Variants in AGAP1 observed in about 807,000 individuals in gnomAD.
AGAP1 encodes ArfGAP with GTPase domain, ankyrin repeat and PH domain 1, also known as arf-GAP with GTPase, ANK repeat and PH domain-containing protein 1.
AGAP1 carries 29 observed loss-of-function variants against 105.3 expected under a neutral mutation model. The observed-to-expected ratio is 0.28, with a 90% CI of 0.21 to 0.38. The LOEUF is 0.38. AGAP1 is among the 10% of genes least tolerant of loss of function. AGAP1 has a pLI of 1.00. For synonymous variants in AGAP1, 509 were observed against 485.9 expected, an observed-to-expected ratio of 1.05 and a Z score of -0.63; for missense variants, 998 against 1,165.1, an observed-to-expected ratio of 0.86 and a Z score of 2.09.
rs928099559 is a variant in AGAP1, at chr2:235,792,916, G to A, written c.674-4843G>A. 3.3e-5 allele frequency among the ~76,000 whole-genome samples: 5 copies of A among 152,158 alleles called. No homozygotes were observed. The highest frequency in any genetic ancestry group is 5.9e-5 in the Non-Finnish European group (4 of 68,036). On this transcript the variant is annotated intron_variant, in intron 6 of 17. Coordinates refer to ENST00000304032, the MANE Select transcript of AGAP1 (RefSeq NM_001037131.3). The surrounding 1 kb of genome is among the most constrained non-coding windows in gnomAD (Gnocchi z 5.3). Reference sequence around the variant, plus strand: ...CTGAGGTGGTGACCGAGACATTCGCGAGGAGGTTGCCCAGGCAGAGGGCAT... The same window carrying A: ...CTGAGGTGGTGACCGAGACATTCGCAAGGAGGTTGCCCAGGCAGAGGGCAT...
intron 1 of AGAP1, among the ~76,000 whole-genome samples, chr2:235,534,467 G>A (rs1943144711): frequency 6.6e-6 from 1 of 152,168 alleles, no homozygotes; most frequent in African/African-American, 2.4e-5. Context: ...GAGGATGGGT[G>A]TGCTGTTTTA....
intron 1 of AGAP1, among the ~76,000 whole-genome samples, chr2:235,498,554 G>A (rs1941422349): frequency 6.6e-6 from 1 of 152,186 alleles, no homozygotes; most frequent in African/African-American, 2.4e-5. Flanking sequence ...GTCCATCGGG[G>A]GTTGATGGCA....
rs568697938 is a variant in AGAP1 at position 235,496,702 on chromosome 2, A to C, written c.163+1853A>C. Among the ~76,000 whole-genome samples, 7 of 152,316 alleles carry C rather than the reference A, an allele frequency of 4.6e-5. No homozygotes were observed. The South Asian group carries it at 1.5e-3, about 32-fold the overall frequency. On this transcript the variant is annotated intron_variant, in intron 1 of 17. Transcript: ENST00000304032. ...TGAGCTCTGGGGCTCAAGCACTTCC[A>C]GCAAAGCAGTTTGACTTTCTAGCAA...
chr2:235,898,048 CCGCAT>C (rs1219463099), intron 10 of AGAP1, among the ~76,000 whole-genome samples: 1 of 152,202 alleles, frequency 6.6e-6, no homozygotes, highest in Non-Finnish European at 1.5e-5. Context: ...GCCACCTCTG[CCGCAT>C]CGGCTATTTG....
At chr2:235,713,817 C>T (rs903046910) in intron 2 of AGAP1, among the ~76,000 whole-genome samples, 4 of 152,134 alleles carry the variant, frequency 2.6e-5, no homozygotes, top group Non-Finnish European at 4.4e-5. Context: ...GATCAAGGCA[C>T]CTGCAGATTT....
At position 235,793,174 on chromosome 2, in the gene AGAP1, C is replaced by T. The variant is rs1197426915; in HGVS notation, c.674-4585C>T. Among the ~76,000 whole-genome samples, 1 of 152,124 alleles carries T rather than the reference C, an allele frequency of 6.6e-6. No individual in the cohort carries two copies. Among genetic ancestry groups the T allele is most frequent in the Non-Finnish European group, 1.5e-5 (1 of 68,038 alleles). The stretch of plus-strand genomic sequence containing the variant: ...TCTGGACCACTCCCAGTGACCATGG[C>T]AATGGCAGGCCCAGCCTAGGGATTG... On this transcript the variant is annotated intron_variant, in intron 6 of 17. Coordinates refer to ENST00000304032, the MANE Select transcript of AGAP1 (RefSeq NM_001037131.3). The surrounding 1 kb of genome is among the most constrained non-coding windows in gnomAD (Gnocchi z 5.3).
chr2:235,667,882 C>T (rs939851101), intron 1 of AGAP1, among the ~76,000 whole-genome samples: 49 of 148,482 alleles, frequency 3.3e-4, no homozygotes, highest in African/African-American at 1.2e-3. Context: ...TCACTTGAAC[C>T]CAGGAGGTGG....
At chr2:235,718,917 G>T (rs1392584660) in intron 3 of AGAP1, among the ~76,000 whole-genome samples, 1 of 152,156 alleles carries the variant, frequency 6.6e-6, no homozygotes, top group Admixed American at 6.5e-5. Context: ...TCTGTCCCTG[G>T]GTTTTGACGG....
chr2:235,912,511 G>A (rs575357999), intron 11 of AGAP1, among the ~76,000 whole-genome samples: 65 of 152,104 alleles, frequency 4.3e-4, no homozygotes, highest in African/African-American at 1.5e-3. Flanking sequence ...TTTCATTTTT[G>A]TATTCATTTT....
intron 12 of AGAP1, among the ~76,000 whole-genome samples, chr2:235,933,681 C>T (rs755360824): frequency 5.3e-5 from 8 of 152,038 alleles, no homozygotes; most frequent in South Asian, 2.1e-4. Flanking sequence ...TGCAGGCACG[C>T]GCCACCGTGC....
intron 1 of AGAP1, among the ~76,000 whole-genome samples, chr2:235,694,160 A>C (rs1949880418): frequency 6.7e-6 from 1 of 148,726 alleles, no homozygotes; most frequent in Admixed American, 6.6e-5. Context: ...CCTGGCCAAC[A>C]TGGTGAAACC....
At chr2:235,496,775 G>A (rs777736802) in intron 1 of AGAP1, among the ~76,000 whole-genome samples, 42 of 148,318 alleles carry the variant, frequency 2.8e-4, no homozygotes, top group Non-Finnish European at 4.3e-4. Context: ...AAAAAAAAAT[G>A]CGTCGTTCCT....
chr2:235,507,971 G>A (rs919663818), intron 1 of AGAP1, among the ~76,000 whole-genome samples: 12 of 152,068 alleles, frequency 7.9e-5, no homozygotes, highest in African/African-American at 2.7e-4. Context: ...CCCTCAAGCA[G>A]GCCTTGGTGG....
rs1322843866 is a variant in AGAP1, at chr2:235,905,999, G to A, written c.1156-2739G>A. Among the ~76,000 whole-genome samples, 1 of 151,976 alleles carries A rather than the reference G, an allele frequency of 6.6e-6. No homozygotes were observed. Among genetic ancestry groups the A allele is most frequent in the Non-Finnish European group, 1.5e-5 (1 of 68,010 alleles). ...TCAACTTCCAAGTGGAATCCCTTTC[G>A]GGGGCTGGTGAAGTCAGATTTGTTG... On this transcript the variant is annotated intron_variant, in intron 10 of 17. Transcript: ENST00000304032. This position sits in a 1 kb window ranked among gnomAD's most constrained non-coding sequence, Gnocchi z 4.2.
At chr2:235,497,981 C>T (rs189923182) in intron 1 of AGAP1, among the ~76,000 whole-genome samples, 2 of 152,158 alleles carry the variant, frequency 1.3e-5, no homozygotes, top group African/African-American at 4.8e-5. Flanking sequence ...GCACCCTACT[C>T]AAAACTTCAC....
chr2:235,999,989 C>A (rs2056044646), intron 13 of AGAP1, among the ~76,000 whole-genome samples: 1 of 152,040 alleles, frequency 6.6e-6, no homozygotes, highest in Non-Finnish European at 1.5e-5. Flanking sequence ...GACCATTGAT[C>A]CTGCTTCTAA....
Position 235,744,864 on chromosome 2 carries a change from G to T in AGAP1, c.538+25G>T. 1 of 1,613,374 alleles carries T rather than the reference G, an allele frequency of 6.2e-7. No individual in the cohort carries two copies. Among genetic ancestry groups the T allele is most frequent in the South Asian group, 1.1e-5 (1 of 90,996 alleles). On this transcript the variant is annotated intron_variant, in intron 5 of 17. Transcript: ENST00000304032. This position sits in a 1 kb window ranked among gnomAD's most constrained non-coding sequence, Gnocchi z 5.2. ...GGTGAGTGATGTTCGTGTGCAGATTGTTTTGAAAGGGTTCTAACAGTTACA... is the reference window on the plus strand; with the variant it reads ...GGTGAGTGATGTTCGTGTGCAGATTTTTTTGAAAGGGTTCTAACAGTTACA...
intron 12 of AGAP1, among the ~76,000 whole-genome samples, chr2:235,950,887 CTT>C (rs200110792): frequency 1.2e-4 from 14 of 118,208 alleles, no homozygotes; most frequent in East Asian, 2.8e-4. Flanking sequence ...TCTCCAAGCA[CTT>C]TTTTTTTTTT....
At chr2:235,636,745 G>A (rs1023921509) in intron 1 of AGAP1, among the ~76,000 whole-genome samples, 10 of 152,120 alleles carry the variant, frequency 6.6e-5, no homozygotes, top group Admixed American at 2.6e-4. Context: ...GAATGTGATC[G>A]TCTCTCAGAA....
Sources: allele counts gnomAD v4.1 joint callset (sites outside exome capture counted in the v4.1 genomes callset), GRCh38; gene constraint gnomAD v4.1.1; non-coding constraint Gnocchi (gnomAD v3.1); transcripts MANE v1.5; gene names NCBI Gene and HGNC (gene_info 2026-07-23, HGNC 2026-07-21).